The following TRPV1 variants were observed in gnomAD, a reference collection of about 807,000 sequenced individuals.
TRPV1 encodes OTRPC1.
In TRPV1, 82 loss-of-function variants were observed where a neutral mutation model predicts 82.3. That is an observed-to-expected ratio of 1.00 (90% CI 0.83 to 1.20). TRPV1 has a LOEUF of 1.20. Among genes scored for constraint, TRPV1 ranks in the 50% most tolerant of loss-of-function variants. TRPV1 has a pLI of 0.00. For synonymous variants in TRPV1, 515 were observed against 467.7 expected, an observed-to-expected ratio of 1.10 and a Z score of -1.30; for missense variants, 1,067 against 1,096.8, an observed-to-expected ratio of 0.97 and a Z score of 0.38.
intron 10 of TRPV1, 45 bp downstream of exon 10, chr17:3,583,293 G>C: frequency 1.3e-6 from 2 of 1,520,552 alleles, no homozygotes; most frequent in Non-Finnish European, 1.8e-6. Flanking sequence ...TTGGCTTTTT[G>C]TTTTGGTGAT....
chr17:3,576,693 A>AT (rs1272286594), intron 13 of TRPV1, among the ~76,000 whole-genome samples: 1 of 118,720 alleles, frequency 8.4e-6, no homozygotes, highest in Non-Finnish European at 1.7e-5. Flanking sequence ...ATATATATGC[A>AT]TAAAAACTAG....
chr17:3,570,838 C>G (rs1264692770), intron 16 of TRPV1, among the ~76,000 whole-genome samples: 1 of 152,074 alleles, frequency 6.6e-6, no homozygotes, highest in Non-Finnish European at 1.5e-5. Context: ...TTCAGCCTCC[C>G]GAGTAGCTGG....
chr17:3,608,280 G>C (rs1159860746), intron 2 of TRPV1, 147 bp downstream of exon 2: 1 of 150,172 alleles, frequency 6.7e-6, no homozygotes, highest in Non-Finnish European at 1.5e-5. Flanking sequence ...ACAGATAGAA[G>C]ATTCAGCATA....
At chr17:3,580,310 A>G (rs1043208007) in intron 11 of TRPV1, 147 bp downstream of exon 11, 14 of 794,726 alleles carry the variant, frequency 1.8e-5, no homozygotes, top group Non-Finnish European at 2.8e-5. Context: ...TCATCCCCCG[A>G]GTATGTATTC....
intron 2 of TRPV1, among the ~76,000 whole-genome samples, chr17:3,595,409 T>C (rs912672075): frequency 6.6e-6 from 1 of 151,926 alleles, no homozygotes; most frequent in African/African-American, 2.4e-5. Flanking sequence ...TTCTCAGCAG[T>C]TCAACTCAGA....
chr17:3,573,697 ATGAGCATGT>A lies in TRPV1; in HGVS notation c.2030_2038del (p.Asn677_Leu679del), dbSNP rs2074891003. 1 of 1,614,040 alleles carries A rather than the reference ATGAGCATGT, an allele frequency of 6.2e-7. No individual in the cohort carries two copies. Among genetic ancestry groups the A allele is most frequent in the East Asian group, 2.2e-5 (1 of 44,880 alleles). ...GTTGACAGTCTCACCCATGAGGGCGATGAGCATGTTGAGCAGGAGGATGTAGGTGAGAAT... is the reference window on the plus strand; with the variant it reads ...GTTGACAGTCTCACCCATGAGGGCGATGAGCAGGAGGATGTAGGTGAGAAT... On this transcript the variant is annotated inframe_deletion, in exon 14 of 17. Coordinates refer to ENST00000572705, the MANE Select transcript of TRPV1 (RefSeq NM_080704.4).
intron 13 of TRPV1, among the ~76,000 whole-genome samples, chr17:3,576,688 T>TATATGC (rs1555549476): frequency 2.0e-5 from 2 of 99,316 alleles, no homozygotes; most frequent in African/African-American, 6.9e-5. Flanking sequence ...TATATATATA[T>TATATGC]ATGCATAAAA....
Position 3,571,516 on chromosome 17 carries a change from C to A in TRPV1, c.2347+8G>T. On this transcript the variant is annotated splice_region_variant and intron_variant, in intron 16 of 16. Coordinates refer to ENST00000572705, the MANE Select transcript of TRPV1 (RefSeq NM_080704.4). Reference sequence around the variant, plus strand: ...AGGAGGCGCCAAGCACCGGCCCTCACGCCTCACCTCTGCTTGACCGCAGGG... The same window carrying A: ...AGGAGGCGCCAAGCACCGGCCCTCAAGCCTCACCTCTGCTTGACCGCAGGG... The A allele has an allele frequency of 6.3e-7, 1 of 1,583,448 alleles. No individual in the cohort carries two copies. The highest frequency in any genetic ancestry group is 1.2e-5 in the South Asian group (1 of 86,558).
chr17:3,600,260 G>T (rs1025729469), intron 2 of TRPV1, among the ~76,000 whole-genome samples: 5 of 152,130 alleles, frequency 3.3e-5, no homozygotes, highest in African/African-American at 1.2e-4. Flanking sequence ...CAGAACCATT[G>T]CCTTAGCCTC....
At chr17:3,592,026 T>TGG in intron 3 of TRPV1, 41 bp downstream of exon 3, 1 of 1,591,938 alleles carries the variant, frequency 6.3e-7, no homozygotes, top group Non-Finnish European at 8.5e-7. Context: ...CATGGCCAGC[T>TGG]GGGCTCCCAG....
At chr17:3,590,928 G>A (rs201556527) in intron 5 of TRPV1, 36 bp downstream of exon 5, 55 of 1,545,612 alleles carry the variant, frequency 3.6e-5, no homozygotes, top group Admixed American at 1.4e-4. Context: ...CCGGTGCTGC[G>A]GGCTGAGCCA....
intron 9 of TRPV1, 120 bp downstream of exon 9, chr17:3,585,648 A>C: frequency 7.9e-7 from 1 of 1,270,986 alleles, no homozygotes; most frequent in Non-Finnish European, 1.1e-6. Context: ...TCGCTCCCGC[A>C]AGCTGGGAAG....
intron 8 of TRPV1, among the ~76,000 whole-genome samples, chr17:3,587,659 A>G (rs1249420285): frequency 6.6e-6 from 1 of 152,142 alleles, no homozygotes. Context: ...TCTCTATTAA[A>G]TACAAAAAAT....
At chr17:3,601,141 T>G in intron 2 of TRPV1, among the ~76,000 whole-genome samples, 1 of 151,750 alleles carries the variant, frequency 6.6e-6, no homozygotes, top group African/African-American at 2.4e-5. Context: ...CCAAACCCGG[T>G]GCCCTTTGTG....
intron 10 of TRPV1, among the ~76,000 whole-genome samples, chr17:3,582,000 C>G (rs1207414431): frequency 6.9e-6 from 1 of 145,542 alleles, no homozygotes. Flanking sequence ...ACCATCCTGG[C>G]TAACACGGTG....
chr17:3,576,689 A>ATATATATATG (rs1333871628), intron 13 of TRPV1, among the ~76,000 whole-genome samples: 1 of 99,664 alleles, frequency 1.0e-5, no homozygotes, highest in Non-Finnish European at 2.1e-5. Context: ...ATATATATAT[A>ATATATATATG]TGCATAAAAA....
rs2075313322 is a variant in TRPV1, at chr17:3,608,411, G to T, written c.-34+16C>A. On this transcript the variant is annotated intron_variant, in intron 2 of 16. Coordinates refer to ENST00000572705, the MANE Select transcript of TRPV1 (RefSeq NM_080704.4). ...TCTGGTGCTTTGGGGCCCTAATGAA[G>T]TAAAAAAAGACTGACCTGAACAGAA... is the stretch of plus-strand genomic sequence containing the variant. 1 of 151,942 alleles carries T rather than the reference G, an allele frequency of 6.6e-6. No homozygotes were observed. Among genetic ancestry groups the T allele is most frequent in the Non-Finnish European group, 1.5e-5 (1 of 68,004 alleles). 9.4% of individuals were successfully genotyped at this position (151,942 alleles called of 1,614,324 possible). A position where few individuals can be genotyped will look rare whatever the true frequency, so the allele number is the denominator to read the frequency against.
At chr17:3,588,087 T>A in intron 8 of TRPV1, 101 bp downstream of exon 8, 2 of 1,405,680 alleles carry the variant, frequency 1.4e-6, no homozygotes, top group Non-Finnish European at 1.9e-6. Context: ...CGCAGCAGGC[T>A]TTCCCTCCTG....
In TRPV1 at chr17:3,589,810, G is replaced by A. The variant is rs372412569; in HGVS notation, c.1041C>T (p.Ile347=). The A allele has an allele frequency of 3.0e-5, 49 of 1,610,072 alleles. No individual in the cohort carries two copies. Among genetic ancestry groups the A allele is most frequent in the South Asian group, 1.4e-4 (13 of 90,302 alleles). Residue 347 remains isoleucine (I), a synonymous_variant, in exon 7 of 17, where the codon ATC becomes ATT. Transcript: ENST00000572705. The part of the protein sequence containing the change: ...PLALAAGTGK[I]GVLAYILQRE... ...CTGAGCCGAAGCCCCCTCTTACCCCGATCTTCCCGGTCCCAGCTGCCAGAG... is the reference window on the plus strand; with the variant it reads ...CTGAGCCGAAGCCCCCTCTTACCCCAATCTTCCCGGTCCCAGCTGCCAGAG...
Sources: allele counts gnomAD v4.1 joint callset (sites outside exome capture counted in the v4.1 genomes callset), GRCh38; gene constraint gnomAD v4.1.1; transcripts MANE v1.5; gene names NCBI Gene and HGNC (gene_info 2026-07-23, HGNC 2026-07-21).